Variants in CUL4A observed in about 807,000 individuals in gnomAD.
The protein encoded by CUL4A is cullin 4A.
CUL4A carries 16 observed loss-of-function variants against 95.5 expected under a neutral mutation model. That is an observed-to-expected ratio of 0.17 (90% CI 0.11 to 0.25). CUL4A has a LOEUF of 0.25. Ranked by LOEUF, CUL4A falls within the 10% of genes least tolerant of loss-of-function variation. The pLI is 1.00. For missense variants in CUL4A, 610 were observed against 937.0 expected (o/e 0.65, Z 4.56); for synonymous variants, 380 against 353.1 (o/e 1.08, Z -0.85).
At chr13:113,243,593 T>C (rs1163107165) in intron 11 of CUL4A, among the ~76,000 whole-genome samples, 4 of 152,104 alleles carry the variant, frequency 2.6e-5, no homozygotes, top group Non-Finnish European at 5.9e-5. Flanking sequence ...GTAAAATTTT[T>C]TTTTTAATTC....
In CUL4A at chr13:113,227,613, A is replaced by G. The variant is rs114636075; in HGVS notation, c.369-363A>G. ...AGGTAGCTGAAATTAAGGGGTTAAA[A>G]TTGTAATAATGGCCGGTTGCGGTGG... On this transcript the variant is annotated intron_variant, in intron 3 of 19. Coordinates refer to ENST00000375440, the MANE Select transcript of CUL4A (RefSeq NM_001008895.4). 4.6e-3 allele frequency among the ~76,000 whole-genome samples: 696 copies of G among 152,332 alleles called. 5 individuals are homozygous for G. Among genetic ancestry groups the G allele is most frequent in the African/African-American group, 0.016 (653 of 41,574 alleles).
intron 18 of CUL4A, among the ~76,000 whole-genome samples, chr13:113,257,591 G>A (rs979241477): frequency 2.6e-5 from 4 of 152,032 alleles, no homozygotes; most frequent in Admixed American, 6.6e-5. Context: ...ATGTTTAAAC[G>A]ACCAGATCTC....
upstream of CUL4A, chr13:113,208,896 G>T: frequency 7.2e-7 from 1 of 1,389,346 alleles, no homozygotes; most frequent in Non-Finnish European, 9.3e-7. Context: ...CGGGCTGAGG[G>T]GTTTGGGGTC....
At chr13:113,208,967 C>T (rs972634708), upstream of CUL4A, 44 of 1,142,984 alleles carry the variant, frequency 3.8e-5, no homozygotes, top group Non-Finnish European at 4.6e-5. Context: ...TTCGTCTGCC[C>T]CTTGTGAAAA....
chr13:113,239,438 G>A lies in CUL4A; in HGVS notation c.922G>A (p.Asp308Asn), dbSNP rs1268650164. 7.4e-6 allele frequency: 12 copies of A among 1,613,624 alleles called. No homozygotes were observed. Among genetic ancestry groups the A allele is most frequent in the Middle Eastern group, 1.7e-4 (1 of 6,058 alleles). Residue 308 changes from aspartate to asparagine, a missense_variant, in exon 10 of 20, where the codon GAC becomes AAC. Physicochemically the swap from Asp to Asn is conservative, Grantham distance 23 (BLOSUM62 1). Coordinates refer to ENST00000375440, the MANE Select transcript of CUL4A (RefSeq NM_001008895.4). ...ACGTGTACTGCACATCTCAGGGCTC[G>A]ACCACTTACTGGATGAGAACAGAGT... ...HLTAILQKGL[D>N]HLLDENRVPD...
intron 5 of CUL4A, 64 bp downstream of exon 5, chr13:113,229,583 G>A: frequency 1.5e-6 from 2 of 1,323,184 alleles, no homozygotes; most frequent in Non-Finnish European, 2.1e-6. Context: ...TCCCGTTTGT[G>A]TCTTCCGCAG....
rs1595328455 is a variant in CUL4A, at chr13:113,209,828, A to G, written c.148+53A>G. 5.3e-6 allele frequency: 6 copies of G among 1,124,132 alleles called. No individual in the cohort carries two copies. The East Asian group carries it at 2.6e-4, about 48-fold the overall frequency. 69.6% of individuals were successfully genotyped at this position (1,124,132 alleles called of 1,614,324 possible). A position where few individuals can be genotyped will look rare whatever the true frequency, so the allele number is the denominator to read the frequency against. On this transcript the variant is annotated intron_variant, in intron 1 of 19. Coordinates refer to ENST00000375440, the MANE Select transcript of CUL4A (RefSeq NM_001008895.4). ...AGGCGCCCCGGGCGGGGACCCCACG[A>G]GACCCCGCCCGACTTGGGGGGAAGG...
At chr13:113,215,801 C>CG (rs563183063) in intron 2 of CUL4A, among the ~76,000 whole-genome samples, 6 of 91,706 alleles carry the variant, frequency 6.5e-5, no homozygotes, top group Non-Finnish European at 1.2e-4. Flanking sequence ...GTGGAGGTCG[C>CG]TGTGTGACTA....
chr13:113,248,699 C>G (rs2041918537), intron 15 of CUL4A, among the ~76,000 whole-genome samples: 1 of 152,126 alleles, frequency 6.6e-6, no homozygotes, highest in South Asian at 2.1e-4. Flanking sequence ...AGTGTGAGAT[C>G]TTAGATAACC....
chr13:113,220,768 C>G (rs2040867293), intron 3 of CUL4A, among the ~76,000 whole-genome samples: 1 of 152,216 alleles, frequency 6.6e-6, no homozygotes, highest in Non-Finnish European at 1.5e-5. Context: ...TGCACAAGCA[C>G]TTGCTTTCTA....
chr13:113,216,872 G>C (rs572968580), intron 2 of CUL4A, among the ~76,000 whole-genome samples: 10 of 152,308 alleles, frequency 6.6e-5, no homozygotes, highest in African/African-American at 2.4e-4. Flanking sequence ...CGGGAGTCCT[G>C]ACTCAGCACC....
At chr13:113,260,457 A>C in intron 18 of CUL4A, 150 bp from the exon 19 acceptor site, 52 of 592,472 alleles carry the variant, frequency 8.8e-5, no homozygotes, top group East Asian at 1.1e-4. Flanking sequence ...GGCTGAGGCA[A>C]GAGAATCGCT....
chr13:113,261,051 C>T (rs952979732), intron 19 of CUL4A, among the ~76,000 whole-genome samples: 24 of 152,170 alleles, frequency 1.6e-4, no homozygotes, highest in African/African-American at 5.1e-4. Flanking sequence ...ACACTTTTCT[C>T]ATAGTAGTAG....
chr13:113,208,391 C>G (rs2040108713), upstream of CUL4A: 1 of 1,440,686 alleles, frequency 6.9e-7, no homozygotes, highest in Non-Finnish European at 9.1e-7. Context: ...GCCCGGCCCC[C>G]ACGGCGGCCC....
chr13:113,208,274 C>T (rs1015688584), upstream of CUL4A: 2 of 1,437,844 alleles, frequency 1.4e-6, no homozygotes, highest in African/African-American at 1.4e-5. Flanking sequence ...GCCCGCAGGC[C>T]CTTCGGACCG....
intron 15 of CUL4A, among the ~76,000 whole-genome samples, chr13:113,251,483 G>C (rs1374760885): frequency 1.4e-5 from 2 of 144,490 alleles, no homozygotes; most frequent in Non-Finnish European, 3.1e-5. Flanking sequence ...GATTGGTTTG[G>C]ATTTGTGTTC....
chr13:113,244,243 C>G (rs1371541842), intron 11 of CUL4A, 167 bp from the exon 12 acceptor site: 5 of 573,952 alleles, frequency 8.7e-6, no homozygotes, highest in African/African-American at 1.9e-5. Context: ...AGTATTTACT[C>G]TCACTTGACT....
At chr13:113,208,521 G>A (rs970681816), upstream of CUL4A, 522 of 1,565,494 alleles carry the variant, frequency 3.3e-4, no homozygotes, top group Non-Finnish European at 4.2e-4. Flanking sequence ...AAAGGCCTGA[G>A]GGTCCAAGGC....
chr13:113,214,599 T>C (rs1249813463), intron 2 of CUL4A, among the ~76,000 whole-genome samples: 3 of 152,166 alleles, frequency 2.0e-5, no homozygotes, highest in Non-Finnish European at 4.4e-5. Flanking sequence ...ACAGTCCTCC[T>C]GCCTTGGCCT....
Sources: gnomAD v4.1 joint callset for allele counts (sites outside exome capture counted in the v4.1 genomes callset) on GRCh38, gnomAD v4.1.1 for gene constraint, MANE v1.5 for transcripts, NCBI Gene and HGNC (gene_info 2026-07-23, HGNC 2026-07-21) for gene names.